SNX30: variants seen among roughly 807,000 people sequenced by gnomAD.
SNX30 encodes the protein sorting nexin family member 30.
A neutral mutation model predicts 46.4 loss-of-function variants in SNX30; 24 were observed. The observed-to-expected ratio is 0.52, with a 90% confidence interval of 0.37 to 0.73. The LOEUF is 0.73. SNX30 is among the 30% of genes least tolerant of loss of function. SNX30 has a pLI of 0.00. For missense variants in SNX30, 533 were observed against 555.7 expected, an observed-to-expected ratio of 0.96 and a Z score of 0.41; for synonymous variants, 189 against 211.5, an observed-to-expected ratio of 0.89 and a Z score of 0.92.
At chr9:112,821,546 G>A (rs986138454) in intron 3 of SNX30, among the ~76,000 whole-genome samples, 8 of 152,102 alleles carry the variant, frequency 5.3e-5, no homozygotes, top group African/African-American at 1.9e-4. Context: ...GAGTGCAGTG[G>A]TGTGATCTCG....
chr9:112,780,687 C>T (rs1436779642), intron 1 of SNX30, among the ~76,000 whole-genome samples: 1 of 152,178 alleles, frequency 6.6e-6, no homozygotes, highest in Non-Finnish European at 1.5e-5. Context: ...GTCTGACTGC[C>T]ACTTGTGTCT....
intron 1 of SNX30, among the ~76,000 whole-genome samples, chr9:112,786,016 C>CTTA (rs1232016839): frequency 1.9e-4 from 29 of 152,156 alleles, no homozygotes; most frequent in South Asian, 1.0e-3. Context: ...ATCCTTACAG[C>CTTA]TTATTGATCT....
chr9:112,807,394 G>A (rs1014360562), intron 2 of SNX30, among the ~76,000 whole-genome samples: 6 of 152,006 alleles, frequency 3.9e-5, no homozygotes, highest in East Asian at 3.9e-4. Context: ...CAGCAGGTTC[G>A]CATGTAAAGA....
Position 112,817,510 on chromosome 9 carries a change from G to A in SNX30, c.349-195G>A, listed in dbSNP as rs190098000. 1.6e-4 allele frequency among the ~76,000 whole-genome samples: 21 copies of A among 134,466 alleles called. No individual in the cohort carries two copies. The East Asian group carries it at 3.0e-3, about 19-fold the overall frequency. 88.2% of individuals were successfully genotyped at this position (134,466 alleles called of 152,430 possible). A position where few individuals can be genotyped will look rare whatever the true frequency, so the allele number is the denominator to read the frequency against. ...AAAACTGGCATTTTTATTCCAGCTCGTTGAATTTTTAACTGGGCTAAGTGT... is the reference window on the plus strand; with the variant it reads ...AAAACTGGCATTTTTATTCCAGCTCATTGAATTTTTAACTGGGCTAAGTGT... On this transcript the variant is annotated intron_variant, in intron 2 of 8. Coordinates refer to ENST00000374232, the MANE Select transcript of SNX30 (RefSeq NM_001012994.2).
At chr9:112,848,612 T>C (rs1008601711) in intron 6 of SNX30, among the ~76,000 whole-genome samples, 5 of 152,200 alleles carry the variant, frequency 3.3e-5, no homozygotes, top group African/African-American at 1.2e-4. Context: ...CTCTGCAGGG[T>C]TGCTGGGAGC....
intron 3 of SNX30, among the ~76,000 whole-genome samples, chr9:112,829,129 C>T (rs561850999): frequency 3.3e-5 from 5 of 152,218 alleles, no homozygotes; most frequent in South Asian, 2.1e-4. Flanking sequence ...ATGGATATGC[C>T]GCATTTTGTT....
chr9:112,865,451 G>A (rs575237726), intron 8 of SNX30, among the ~76,000 whole-genome samples: 17 of 151,610 alleles, frequency 1.1e-4, no homozygotes, highest in Admixed American at 3.3e-4. Flanking sequence ...TGGGACTGTC[G>A]TTACAAAAGA....
intron 1 of SNX30, among the ~76,000 whole-genome samples, chr9:112,773,570 G>A (rs1466787117): frequency 3.9e-5 from 6 of 151,962 alleles, no homozygotes; most frequent in Non-Finnish European, 2.9e-5. Context: ...TGAGGTGTGT[G>A]GTGTACCTTA....
chr9:112,816,414 A>G (rs2131419459), intron 2 of SNX30, among the ~76,000 whole-genome samples: 1 of 152,254 alleles, frequency 6.6e-6, no homozygotes, highest in East Asian at 1.9e-4. Context: ...CTTTGGGAAA[A>G]TCATCTGATA....
intron 1 of SNX30, among the ~76,000 whole-genome samples, chr9:112,758,485 A>G (rs2645990): frequency 0.29 from 44,387 of 151,888 alleles, 6,737 homozygotes; most frequent in South Asian, 0.46. Flanking sequence ...GCGCATCACC[A>G]TGCCTGGCTA....
chr9:112,879,877 AAC>A (rs1841556783), downstream of SNX30: 42 of 1,488,496 alleles, frequency 2.8e-5, no homozygotes, highest in Non-Finnish European at 3.9e-5. Flanking sequence ...GTAAAGGTGA[AAC>A]TGCCCTCACA....
At chr9:112,764,497 C>T (rs1056811021) in intron 1 of SNX30, among the ~76,000 whole-genome samples, 1 of 152,132 alleles carries the variant, frequency 6.6e-6, no homozygotes, top group African/African-American at 2.4e-5. Context: ...CTACCTCAGC[C>T]TACTGAGTAG....
intron 1 of SNX30, among the ~76,000 whole-genome samples, chr9:112,786,911 T>G (rs1175320998): frequency 6.6e-6 from 1 of 152,240 alleles, no homozygotes; most frequent in East Asian, 1.9e-4. Context: ...TTTTTTCTCT[T>G]ATTCTTTAAT....
At position 112,838,594 on chromosome 9, in the gene SNX30, G is replaced by A; in HGVS notation, c.911G>A (p.Cys304Tyr). The change falls in exon 6 of 9, where the codon TGC becomes TAC. Residue 304 changes from cysteine (C) to tyrosine (Y), a missense_variant. Physicochemically the swap from Cys to Tyr is radical, Grantham distance 194. Transcript: ENST00000374232. ...LAEPLEGVSA[C>Y]IGNCSTALEE... is the part of the protein sequence containing the mutation. ...GAACCCCTGGAGGGTGTGTCAGCTT[G>A]CATTGGGAACTGCTCTACAGCCTTA... 1 of 1,614,236 alleles carries A rather than the reference G, an allele frequency of 6.2e-7. No individual in the cohort carries two copies. Among genetic ancestry groups the A allele is most frequent in the African/African-American group, 1.3e-5 (1 of 75,064 alleles).
intron 1 of SNX30, among the ~76,000 whole-genome samples, chr9:112,754,944 G>T (rs147094237): frequency 5.9e-5 from 9 of 152,022 alleles, no homozygotes; most frequent in Non-Finnish European, 7.4e-5. Flanking sequence ...TCACTTAGAC[G>T]TCCTCTGAAG....
chr9:112,825,939 T>C (rs1313322743), intron 3 of SNX30, among the ~76,000 whole-genome samples: 1 of 152,204 alleles, frequency 6.6e-6, no homozygotes, highest in Non-Finnish European at 1.5e-5. Context: ...TGATAACGCT[T>C]ATGACAGGAG....
At chr9:112,752,026 T>G (rs976613654) in intron 1 of SNX30, among the ~76,000 whole-genome samples, 1 of 152,162 alleles carries the variant, frequency 6.6e-6, no homozygotes, top group Non-Finnish European at 1.5e-5. Flanking sequence ...CTGCAGAAAT[T>G]AGAATTGTTC....
chr9:112,779,396 A>G (rs1012312082), intron 1 of SNX30, among the ~76,000 whole-genome samples: 9 of 152,072 alleles, frequency 5.9e-5, no homozygotes, highest in African/African-American at 1.9e-4. Flanking sequence ...AAGTGAACAC[A>G]TAGAAGAGGG....
rs1386795797 is a variant in SNX30, at chr9:112,810,183, CACA to C, written c.348+5219_348+5221del. Among the ~76,000 whole-genome samples the C allele has an allele frequency of 9.9e-5, 15 of 152,238 alleles. No individual in the cohort carries two copies. In the East Asian group the frequency reaches 2.7e-3, roughly 27 times the overall value. Reference sequence around the variant, plus strand: ...GTTTGAAGTGGGGATTAGAAATTTTCACAACTTTTATGGGCTTTTTGATAAATG... The same window carrying C: ...GTTTGAAGTGGGGATTAGAAATTTTCACTTTTATGGGCTTTTTGATAAATG... On this transcript the variant is annotated intron_variant, in intron 2 of 8. Coordinates refer to ENST00000374232, the MANE Select transcript of SNX30 (RefSeq NM_001012994.2).
Sources: gnomAD v4.1 joint callset for allele counts (sites outside exome capture counted in the v4.1 genomes callset) on GRCh38, gnomAD v4.1.1 for gene constraint, MANE v1.5 for transcripts, NCBI Gene and HGNC (gene_info 2026-07-23, HGNC 2026-07-21) for gene names.